Variants in TENM2 observed in about 807,000 individuals in gnomAD.
The protein encoded by TENM2 is teneurin-2.
In TENM2, 52 loss-of-function variants were observed where a neutral mutation model predicts 245.2. The observed-to-expected ratio is 0.21, with a 90% CI of 0.17 to 0.27. The LOEUF is 0.27. Among genes scored for constraint, TENM2 ranks in the 10% least tolerant of loss-of-function variants. TENM2 has a pLI of 1.00. For missense variants in TENM2, 3,046 were observed against 3,666.8 expected, an observed-to-expected ratio of 0.83 and a Z score of 4.37; for synonymous variants, 1,363 against 1,438.9, an observed-to-expected ratio of 0.95 and a Z score of 1.19.
chr5:167,393,614 G>A (rs575124608), intron 2 of TENM2, among the ~76,000 whole-genome samples: 1 of 152,282 alleles, frequency 6.6e-6, no homozygotes, highest in African/African-American at 2.4e-5. Flanking sequence ...TCAGGTCATA[G>A]AGGGTGTCAC....
chr5:167,281,827 C>T (rs1053023038), upstream of TENM2, among the ~76,000 whole-genome samples: 4 of 151,934 alleles, frequency 2.6e-5, no homozygotes, highest in Non-Finnish European at 4.4e-5. Context: ...GGTGAAACCC[C>T]GTCTCTACTA....
At chr5:167,062,411 A>T in the TENM2 span, among the ~76,000 whole-genome samples, 1 of 152,132 alleles carries the variant, frequency 6.6e-6, no homozygotes, top group East Asian at 1.9e-4. Context: ...TAAAATCTAG[A>T]TAGCAGACAG....
At chr5:167,034,363 G>A in the TENM2 span, among the ~76,000 whole-genome samples, 1 of 152,170 alleles carries the variant, frequency 6.6e-6, no homozygotes, top group Non-Finnish European at 1.5e-5. Context: ...GGGCGCGGTG[G>A]CTCACGCCTG....
intron 4 of TENM2, among the ~76,000 whole-genome samples, chr5:167,956,715 A>G (rs560394685): frequency 6.6e-6 from 1 of 151,902 alleles, no homozygotes; most frequent in Non-Finnish European, 1.5e-5. Context: ...CCTTTTCTGC[A>G]TCTATTGAGA....
the TENM2 span, among the ~76,000 whole-genome samples, chr5:167,215,348 C>G: frequency 6.6e-6 from 1 of 152,172 alleles, no homozygotes; most frequent in Non-Finnish European, 1.5e-5. Flanking sequence ...GTGACTCTAA[C>G]GTGCGGGCAA....
intron 2 of TENM2, among the ~76,000 whole-genome samples, chr5:167,640,860 CATATATATATATATATAT>C (rs58985992): frequency 0.011 from 517 of 47,408 alleles, 26 homozygotes; most frequent in Admixed American, 0.013. Context: ...TATATATATC[CATATATATATATATATAT>C]ATATATATAT....
chr5:167,451,219 AC>A (rs1223275933), intron 2 of TENM2, among the ~76,000 whole-genome samples: 2 of 152,074 alleles, frequency 1.3e-5, no homozygotes, highest in Non-Finnish European at 2.9e-5. Context: ...CGATATCTTG[AC>A]CCCAAGATTG....
intron 2 of TENM2, among the ~76,000 whole-genome samples, chr5:167,760,657 T>C (rs2018599): frequency 0.58 from 88,470 of 152,112 alleles, 28,154 homozygotes; most frequent in Middle Eastern, 0.73. Context: ...TTGTTGTTGT[T>C]GCTGTTGTTG....
chr5:167,226,723 A>G, the TENM2 span, among the ~76,000 whole-genome samples: 1 of 152,012 alleles, frequency 6.6e-6, no homozygotes, highest in African/African-American at 2.4e-5. Context: ...CTTTAAATCC[A>G]ATGTTTCTCT....
At chr5:168,022,642 G>A (rs1362914535) in intron 5 of TENM2, among the ~76,000 whole-genome samples, 1 of 152,226 alleles carries the variant, frequency 6.6e-6, no homozygotes, top group Non-Finnish European at 1.5e-5. Context: ...GGGGGTGAAG[G>A]AAAGCAGATT....
At chr5:167,029,910 C>A in the TENM2 span, among the ~76,000 whole-genome samples, 1 of 152,182 alleles carries the variant, frequency 6.6e-6, no homozygotes, top group Admixed American at 6.5e-5. Flanking sequence ...TGCTTGCAAA[C>A]CACCTGAGTC....
intron 2 of TENM2, among the ~76,000 whole-genome samples, chr5:167,806,789 G>T (rs1236851587): frequency 1.3e-5 from 2 of 152,010 alleles, no homozygotes; most frequent in Admixed American, 1.3e-4. Context: ...ATATTAAAAT[G>T]AGTCAATAGA....
the TENM2 span, among the ~76,000 whole-genome samples, chr5:167,186,547 A>G: frequency 2.0e-5 from 3 of 152,206 alleles, no homozygotes; most frequent in African/African-American, 7.2e-5. Flanking sequence ...AGAGGAGTTT[A>G]GCGAGCTTCC....
chr5:168,189,675 T>C (rs1300784276), intron 13 of TENM2, among the ~76,000 whole-genome samples: 1 of 152,220 alleles, frequency 6.6e-6, no homozygotes, highest in Non-Finnish European at 1.5e-5. Flanking sequence ...TGGTCAGCAG[T>C]TCCCTTCCTG....
At chr5:168,214,937 T>C in intron 20 of TENM2, 103 bp from the exon 23 acceptor site, 2 of 883,538 alleles carry the variant, frequency 2.3e-6, no homozygotes, top group Non-Finnish European at 3.7e-6. Context: ...GGAAAGACAC[T>C]AGAGAAGGTA....
At chr5:167,640,957 T>C (rs1779573600) in intron 2 of TENM2, among the ~76,000 whole-genome samples, 1 of 136,908 alleles carries the variant, frequency 7.3e-6, no homozygotes, top group Non-Finnish European at 1.6e-5. Context: ...CATCAGCATA[T>C]CACCACCACC....
chr5:167,509,742 C>T (rs1399811477), intron 2 of TENM2, among the ~76,000 whole-genome samples: 2 of 152,172 alleles, frequency 1.3e-5, no homozygotes, highest in Admixed American at 6.5e-5. Flanking sequence ...GGCATTGCCT[C>T]ACATAATTTT....
intron 2 of TENM2, among the ~76,000 whole-genome samples, chr5:167,429,995 T>G (rs1764118451): frequency 6.6e-6 from 1 of 151,916 alleles, no homozygotes; most frequent in Non-Finnish European, 1.5e-5. Context: ...CTGAGAAGAA[T>G]GAATGTGGAG....
the TENM2 span, among the ~76,000 whole-genome samples, chr5:167,006,592 G>C: frequency 6.6e-6 from 1 of 152,100 alleles, no homozygotes; most frequent in Non-Finnish European, 1.5e-5. Flanking sequence ...TGGGGGTATA[G>C]CTATATGATA....
Sources: gnomAD v4.1 joint callset for allele counts (sites outside exome capture counted in the v4.1 genomes callset) on GRCh38, gnomAD v4.1.1 for gene constraint, MANE v1.5 for transcripts, NCBI Gene and HGNC (gene_info 2026-07-23, HGNC 2026-07-21) for gene names.